ERC2: variants seen among roughly 807,000 people sequenced by gnomAD.
ERC2 encodes ELKS/RAB6-interacting/CAST family member 2.
In ERC2, 42 loss-of-function variants were observed where a neutral mutation model predicts 114.8. The ratio of observed to expected loss-of-function variants is 0.37; its 90% CI spans 0.29 to 0.47. The LOEUF (loss-of-function observed/expected upper bound fraction) is 0.47, where lower values mean the gene tolerates loss of function less well. Among genes scored for constraint, ERC2 ranks in the 20% least tolerant of loss-of-function variants. ERC2 has a pLI of 0.99. For synonymous variants in ERC2, 454 were observed against 425.5 expected (o/e 1.07, Z -0.82); for missense variants, 939 against 1,150.7 (o/e 0.82, Z 2.66).
intron 1 of ERC2, among the ~76,000 whole-genome samples, chr3:56,455,077 C>T (rs946682996): frequency 6.6e-6 from 1 of 151,806 alleles, no homozygotes; most frequent in African/African-American, 2.4e-5. Context: ...TTAATTAGTA[C>T]CTAGTTTCAG....
chr3:56,193,493 C>T (rs948524441), intron 3 of ERC2, among the ~76,000 whole-genome samples: 5 of 149,530 alleles, frequency 3.3e-5, no homozygotes, highest in East Asian at 2.0e-4. Flanking sequence ...GGTGACCGAG[C>T]GAGACTCTGT....
chr3:55,536,632 C>T (rs1414204479), intron 17 of ERC2, among the ~76,000 whole-genome samples: 1 of 152,188 alleles, frequency 6.6e-6, no homozygotes, highest in African/African-American at 2.4e-5. Context: ...AAAATTGAAA[C>T]TTATTTAAAG....
intron 17 of ERC2, among the ~76,000 whole-genome samples, chr3:55,539,678 C>T (rs1321637809): frequency 3.3e-5 from 5 of 151,678 alleles, no homozygotes; most frequent in Non-Finnish European, 7.4e-5. Flanking sequence ...CTGCCTGCCT[C>T]GGCCTCCCAA....
chr3:56,275,511 T>C (rs747230247), intron 3 of ERC2, among the ~76,000 whole-genome samples: 3 of 152,228 alleles, frequency 2.0e-5, no homozygotes, highest in Non-Finnish European at 4.4e-5. Flanking sequence ...AGAGGTCACA[T>C]AGCTTTTAAT....
chr3:55,815,487 G>C (rs1487787862), intron 14 of ERC2, among the ~76,000 whole-genome samples: 3 of 152,174 alleles, frequency 2.0e-5, no homozygotes, highest in Admixed American at 6.5e-5. Flanking sequence ...TGAAAATGGA[G>C]CGGCCACGTG....
At chr3:56,065,083 C>T (rs970973688) in intron 7 of ERC2, among the ~76,000 whole-genome samples, 11 of 152,104 alleles carry the variant, frequency 7.2e-5, no homozygotes, top group Non-Finnish European at 1.5e-4. Context: ...TACAACATAG[C>T]ATTTTAGGAA....
intron 15 of ERC2, among the ~76,000 whole-genome samples, chr3:55,701,704 G>A (rs1023299271): frequency 2.6e-5 from 4 of 152,188 alleles, no homozygotes; most frequent in African/African-American, 9.7e-5. Context: ...GGCAAGTTAT[G>A]CCTTGTGAGA....
chr3:55,928,203 G>A (rs1352887878), intron 13 of ERC2, among the ~76,000 whole-genome samples: 2 of 152,148 alleles, frequency 1.3e-5, no homozygotes, highest in East Asian at 1.9e-4. Context: ...CATAGTGGTT[G>A]TACATAGTGG....
rs1382654699 is a variant in ERC2, at chr3:55,864,188, T to TATATATACACATATATATACACAC, written c.2564+24177_2564+24200dup. ...ATATACACATATATATATACACATA[T>TATATATACACATATATATACACAC]ATATATACACATATATATACACACA... is the stretch of plus-strand genomic sequence containing the variant. On this transcript the variant is annotated intron_variant, in intron 14 of 17. Transcript: ENST00000288221. 2.1e-3 allele frequency among the ~76,000 whole-genome samples: 308 copies of TATATATACACATATATATACACAC among 143,984 alleles called. 2 individuals are homozygous for TATATATACACATATATATACACAC. The highest frequency in any genetic ancestry group is 4.5e-3 in the Admixed American group (64 of 14,278). 94.5% of individuals were successfully genotyped at this position (143,984 alleles called of 152,430 possible).
intron 13 of ERC2, among the ~76,000 whole-genome samples, chr3:55,898,418 TG>T (rs936309695): frequency 6.6e-6 from 1 of 152,214 alleles, no homozygotes; most frequent in African/African-American, 2.4e-5. Context: ...GTAAAGGATG[TG>T]GACTCTGAAG....
intron 14 of ERC2, among the ~76,000 whole-genome samples, chr3:55,826,608 G>A (rs2060335460): frequency 1.3e-5 from 2 of 152,162 alleles, no homozygotes; most frequent in African/African-American, 4.8e-5. Context: ...ATTGTTTACT[G>A]TATCAGATAT....
chr3:56,293,472 G>T (rs1330373622), intron 3 of ERC2, among the ~76,000 whole-genome samples: 2 of 152,172 alleles, frequency 1.3e-5, no homozygotes, highest in African/African-American at 2.4e-5. Context: ...GCTACGTGTG[G>T]TTTAACACCA....
At chr3:55,614,089 T>C (rs957455780) in intron 17 of ERC2, among the ~76,000 whole-genome samples, 13 of 151,848 alleles carry the variant, frequency 8.6e-5, no homozygotes, top group African/African-American at 3.1e-4. Flanking sequence ...TAGACTTCTG[T>C]TCACTGTTGA....
At chr3:55,588,129 T>C (rs967806713) in intron 17 of ERC2, among the ~76,000 whole-genome samples, 1 of 152,180 alleles carries the variant, frequency 6.6e-6, no homozygotes, top group Non-Finnish European at 1.5e-5. Context: ...TCCCAACTTG[T>C]GGCTAGTGCA....
At chr3:55,553,643 A>G (rs143342720) in intron 17 of ERC2, among the ~76,000 whole-genome samples, 4,464 of 152,032 alleles carry the variant, frequency 0.029, 142 homozygotes, top group African/African-American at 0.078. Flanking sequence ...AGCTGGGCGT[A>G]GTGGCGGGCA....
intron 14 of ERC2, among the ~76,000 whole-genome samples, chr3:55,800,010 C>T (rs1575637833): frequency 6.6e-6 from 1 of 152,100 alleles, no homozygotes; most frequent in Non-Finnish European, 1.5e-5. Context: ...CATCAAGGAC[C>T]GAGATGACTT....
At chr3:55,541,985 T>G (rs6781191) in intron 17 of ERC2, among the ~76,000 whole-genome samples, 6,148 of 152,316 alleles carry the variant, frequency 0.04, 238 homozygotes, top group African/African-American at 0.096. Context: ...CCAAGCGCTG[T>G]GAAAAGCAAT....
rs2057734237 is a variant in ERC2, at chr3:56,333,736, A to G, written c.658-37301T>C. Among the ~76,000 whole-genome samples the G allele has an allele frequency of 2.6e-5, 4 of 152,158 alleles. 1 individual carries two copies. In the South Asian group the frequency reaches 8.3e-4, roughly 32 times the overall value. On this transcript the variant is annotated intron_variant, in intron 2 of 17. Transcript: ENST00000288221. ...TTTTCAGGAAAAAGGTAATTTTTCA[A>G]TGAAAGATTTTTAAAATCTATCTTC...
intron 3 of ERC2, among the ~76,000 whole-genome samples, chr3:56,198,764 C>G (rs1245309350): frequency 1.3e-5 from 2 of 152,124 alleles, no homozygotes; most frequent in African/African-American, 2.4e-5. Flanking sequence ...GGAAAGAGTG[C>G]TGTGTAGACT....
Sources: gnomAD v4.1 joint callset for allele counts (sites outside exome capture counted in the v4.1 genomes callset) on GRCh38, gnomAD v4.1.1 for gene constraint, MANE v1.5 for transcripts, NCBI Gene and HGNC (gene_info 2026-07-23, HGNC 2026-07-21) for gene names.